The following AGT variants were observed in gnomAD, a reference collection of about 807,000 sequenced individuals.
AGT encodes the protein alpha-1 antiproteinase, antitrypsin.
A neutral mutation model predicts 28.1 loss-of-function variants in AGT; 26 were observed. The observed-to-expected ratio is 0.92, with a 90% CI of 0.68 to 1.28. The LOEUF (loss-of-function observed/expected upper bound fraction) is 1.28. Ranked by LOEUF, AGT falls within the 50% of genes most tolerant of loss-of-function variation. The pLI is 0.00. For synonymous variants in AGT, 259 were observed against 259.6 expected, an observed-to-expected ratio of 1.00 and a Z score of 0.02; for missense variants, 596 against 592.3, an observed-to-expected ratio of 1.01 and a Z score of -0.06.
At position 230,706,233 on chromosome 1, in the gene AGT, G is replaced by A. The variant is rs11568040; in HGVS notation, c.830-33C>T. Reference sequence around the variant, plus strand: ...CCAGACAGGAGACAGGGAGGGAAGAGTCACCCAAGACAGGGGCAGGAATGA... The same window carrying A: ...CCAGACAGGAGACAGGGAGGGAAGAATCACCCAAGACAGGGGCAGGAATGA... On this transcript the variant is annotated intron_variant, in intron 2 of 4. Coordinates refer to ENST00000366667, the MANE Select transcript of AGT (RefSeq NM_001384479.1). 2.2e-3 allele frequency: 3,481 copies of A among 1,609,514 alleles called. 72 individuals are homozygous for A. The African/African-American group carries it at 0.039, about 18-fold the overall frequency.
upstream of AGT, among the ~76,000 whole-genome samples, chr1:230,715,268 C>T (rs1268647020): frequency 6.6e-6 from 1 of 152,130 alleles, no homozygotes; most frequent in Non-Finnish European, 1.5e-5. Flanking sequence ...CTCACATGGG[C>T]CTGTAAATTC....
intron 2 of AGT, 86 bp from the exon 3 acceptor site, chr1:230,706,286 C>A: frequency 6.8e-7 from 1 of 1,464,040 alleles, no homozygotes; most frequent in Non-Finnish European, 9.2e-7. Context: ...AGGCCCAGAT[C>A]CTGCCCCTCG....
At chr1:230,711,526 A>G (rs1663590411) in intron 1 of AGT, among the ~76,000 whole-genome samples, 1 of 152,122 alleles carries the variant, frequency 6.6e-6, no homozygotes, top group Non-Finnish European at 1.5e-5. Context: ...GTGTGTGCCA[A>G]TCAGTAGGTC....
chr1:230,716,133 G>C (rs1465935746), upstream of AGT, among the ~76,000 whole-genome samples: 1 of 152,208 alleles, frequency 6.6e-6, no homozygotes, highest in Non-Finnish European at 1.5e-5. Flanking sequence ...CTTAATCCAT[G>C]CCCAAGGCTG....
chr1:230,719,493 C>T (rs1329396697), upstream of AGT, among the ~76,000 whole-genome samples: 6 of 150,280 alleles, frequency 4.0e-5, no homozygotes, highest in Non-Finnish European at 7.4e-5. Flanking sequence ...CTGCAAGCTC[C>T]GCCTCCTGGG....
At chr1:230,727,744 C>T (rs1381387695) in intron 1 of AGT, among the ~76,000 whole-genome samples, 1 of 152,022 alleles carries the variant, frequency 6.6e-6, no homozygotes, top group South Asian at 2.1e-4. Flanking sequence ...TGATACCTAC[C>T]CTATATAAGG....
chr1:230,742,785 T>C (rs181827492), intron 1 of AGT, among the ~76,000 whole-genome samples: 1 of 152,338 alleles, frequency 6.6e-6, no homozygotes, highest in Non-Finnish European at 1.5e-5. Flanking sequence ...TCCAACCTTT[T>C]TTAATGTAAA....
intron 1 of AGT, among the ~76,000 whole-genome samples, chr1:230,743,871 G>A (rs1435991330): frequency 6.6e-6 from 1 of 152,204 alleles, no homozygotes; most frequent in East Asian, 1.9e-4. Context: ...AGAAACAAAG[G>A]GAGTTCGCCA....
chr1:230,703,450 A>G (rs1663289136), intron 4 of AGT, 121 bp from the exon 5 acceptor site: 1 of 1,034,044 alleles, frequency 9.7e-7, no homozygotes, highest in East Asian at 2.5e-5. Flanking sequence ...GGAGGGGGAC[A>G]TTTTCCAGCC....
intron 1 of AGT, among the ~76,000 whole-genome samples, chr1:230,743,030 G>T (rs547905744): frequency 6.6e-6 from 1 of 151,966 alleles, no homozygotes; most frequent in Admixed American, 6.5e-5. Context: ...CTCGCTCCTC[G>T]CCCAGGCTGG....
upstream of AGT, among the ~76,000 whole-genome samples, chr1:230,719,104 G>C (rs1224481781): frequency 6.6e-6 from 1 of 152,118 alleles, no homozygotes; most frequent in Non-Finnish European, 1.5e-5. Flanking sequence ...TTCATCTGTT[G>C]ACAGACAGAA....
chr1:230,723,090 C>T (rs955776070), intron 1 of AGT, among the ~76,000 whole-genome samples: 10 of 152,140 alleles, frequency 6.6e-5, no homozygotes, highest in Non-Finnish European at 4.4e-5. Context: ...CTATGCTATT[C>T]TCATGAGAGT....
At chr1:230,734,856 C>G (rs1664126734) in intron 1 of AGT, among the ~76,000 whole-genome samples, 1 of 152,042 alleles carries the variant, frequency 6.6e-6, no homozygotes. Context: ...ACTACAGGCG[C>G]CTGCCACCAC....
intron 1 of AGT, among the ~76,000 whole-genome samples, chr1:230,730,219 C>T (rs1664028515): frequency 6.6e-6 from 1 of 151,732 alleles, no homozygotes; most frequent in Middle Eastern, 3.2e-3. Context: ...CCATGCCCGG[C>T]TATTTTTTTG....
chr1:230,715,918 A>T (rs561394441), upstream of AGT, among the ~76,000 whole-genome samples: 18 of 152,344 alleles, frequency 1.2e-4, no homozygotes, highest in East Asian at 3.3e-3. Context: ...AACAGCAAAG[A>T]TAATAAACAA....
intron 2 of AGT, among the ~76,000 whole-genome samples, chr1:230,707,591 C>T (rs1437252347): frequency 6.6e-6 from 1 of 152,152 alleles, no homozygotes. Context: ...CACTCAGTCT[C>T]GGAAGGGCAT....
chr1:230,703,481 T>C lies in AGT; in HGVS notation c.1243-152A>G, dbSNP rs1663290065. ...CAGCCTGCCAGGAGGATGCACAGTGTATGCCTGCCCCTCAGTGTAGGCAAG... is the reference window on the plus strand; with the variant it reads ...CAGCCTGCCAGGAGGATGCACAGTGCATGCCTGCCCCTCAGTGTAGGCAAG... On this transcript the variant is annotated intron_variant, in intron 4 of 4. Transcript: ENST00000366667. The C allele has an allele frequency of 4.7e-5, 38 of 812,298 alleles. No homozygotes were observed. In the South Asian group the frequency reaches 5.5e-4, roughly 12 times the overall value. The allele number at this position is 812,298 out of a possible 1,614,324, so 50.3% of individuals were successfully genotyped here.
rs943542473 is a variant in AGT, at chr1:230,710,739, T to G, written c.85A>C (p.Ile29Leu). ...AGLAAGDRVY[I>L]HPFHLVIHNE... ...TGGATGACGAGGTGGAAGGGGTGTATGTACACCCGGTCACCTGCAGCCAGG... is the reference window on the plus strand; with the variant it reads ...TGGATGACGAGGTGGAAGGGGTGTAGGTACACCCGGTCACCTGCAGCCAGG... Residue 29 changes from isoleucine (I) to leucine (L), a missense_variant, in exon 2 of 5, where the codon ATA becomes CTA. Transcript: ENST00000366667. 5.0e-6 allele frequency: 8 copies of G among 1,614,020 alleles called. No homozygotes were observed. The highest frequency in any genetic ancestry group is 3.3e-5 in the Admixed American group (2 of 59,996).
Position 230,726,924 on chromosome 1 carries a change from G to A in AGT, c.-30-16071C>T, listed in dbSNP as rs72760613. Among the ~76,000 whole-genome samples the A allele has an allele frequency of 3.3e-3, 495 of 152,282 alleles. 2 individuals carry two copies. Among genetic ancestry groups the A allele is most frequent in the South Asian group, 0.011 (52 of 4,832 alleles). On this transcript the variant is annotated intron_variant, in intron 1 of 4. Transcript: ENST00000681269. ...ATCTTCCAATGCTTCCTAAGAAGAC[G>A]TCTGGGCTAGCTGAGTGACGAATAA...
Sources: gnomAD v4.1 joint callset for allele counts (sites outside exome capture counted in the v4.1 genomes callset) on GRCh38, gnomAD v4.1.1 for gene constraint, MANE v1.5 for transcripts, NCBI Gene and HGNC (gene_info 2026-07-23, HGNC 2026-07-21) for gene names.